ZNF587: variants seen among roughly 807,000 people sequenced by gnomAD.
ZNF587 encodes zinc finger protein 587, also known as zinc finger protein zfp6.
ZNF587 carries 8 observed loss-of-function variants against 7.5 expected under a neutral mutation model. The observed-to-expected ratio is 1.06, with a 90% CI of 0.62 to 1.92. ZNF587 has a LOEUF of 1.92. Among genes scored for constraint, ZNF587 ranks in the 40% most tolerant of loss-of-function variants. The probability of loss-of-function intolerance (pLI) is 0.00; values close to 1 mark genes in which losing one functional copy is unlikely to be tolerated. For synonymous variants in ZNF587, 145 were observed against 237.8 expected, an observed-to-expected ratio of 0.61 and a Z score of 3.59; for missense variants, 468 against 692.8, an observed-to-expected ratio of 0.68 and a Z score of 3.64.
chr19:57,854,869 C>T (rs943779944), intron 1 of ZNF587, among the ~76,000 whole-genome samples: 3 of 150,924 alleles, frequency 2.0e-5, no homozygotes, highest in African/African-American at 4.9e-5. Flanking sequence ...GGTGAAACCC[C>T]GTCTCTACTA....
rs1477577067 is a variant in ZNF587, at chr19:57,856,162, T to G, written c.92T>G (p.Leu31Arg). The G allele has an allele frequency of 3.1e-6, 5 of 1,612,990 alleles. No individual in the cohort carries two copies. Among genetic ancestry groups the G allele is most frequent in the African/African-American group, 2.7e-5 (2 of 74,852 alleles). ...AVNFSQEEWC[L>R]LSEAQRCLYR... ...AACTTTTCCCAGGAGGAGTGGTGTCTTCTTAGTGAGGCTCAGAGGTGCTTG... is the reference window on the plus strand; with the variant it reads ...AACTTTTCCCAGGAGGAGTGGTGTCGTCTTAGTGAGGCTCAGAGGTGCTTG... Residue 31 changes from leucine to arginine, a missense_variant, in exon 2 of 3, where the codon CTT becomes CGT. Physicochemically the swap from Leu to Arg is moderately radical, Grantham distance 102. Coordinates refer to ENST00000339656, the MANE Select transcript of ZNF587 (RefSeq NM_032828.4).
chr19:57,850,837 G>T (rs749311743), intron 1 of ZNF587: 8 of 335,188 alleles, frequency 2.4e-5, no homozygotes, highest in East Asian at 4.5e-5. Context: ...AGGAGAACTC[G>T]TGAGTCATTC....
intron 2 of ZNF587, 24 bp from the exon 3 acceptor site, chr19:57,858,552 T>C (rs764336307): frequency 6.2e-7 from 1 of 1,601,618 alleles, no homozygotes; most frequent in Admixed American, 1.7e-5. Context: ...ACTTTGCACT[T>C]GACCAGCATT....
chr19:57,856,422 TTC>T (rs2071357103), intron 2 of ZNF587, among the ~76,000 whole-genome samples, 189 bp downstream of exon 2: 1 of 151,646 alleles, frequency 6.6e-6, no homozygotes, highest in African/African-American at 2.4e-5. Context: ...TTTTTTTTTT[TTC>T]TGAGACAGTG....
rs776633407 is a variant in ZNF587 at position 57,859,717 on chromosome 19, T to C, written c.1305T>C (p.Pro435=). The change falls in exon 3 of 3, where the codon CCT becomes CCC. Residue 435 remains proline (P), a synonymous_variant. Coordinates refer to ENST00000339656, the MANE Select transcript of ZNF587 (RefSeq NM_032828.4). Reference sequence around the variant, plus strand: ...AGAGACTTCACACTGGGGAAAGACCTTACAATTGTAGGGAATGTGGGAAAT... The same window carrying C: ...AGAGACTTCACACTGGGGAAAGACCCTACAATTGTAGGGAATGTGGGAAAT... The part of the protein sequence containing the change: ...EHQRLHTGER[P]YNCRECGKLF... 4 of 1,613,738 alleles carry C rather than the reference T, an allele frequency of 2.5e-6. No homozygotes were observed. Among genetic ancestry groups the C allele is most frequent in the Non-Finnish European group, 3.4e-6 (4 of 1,179,946 alleles).
intron 1 of ZNF587, 101 bp downstream of exon 1, chr19:57,850,172 C>A: frequency 6.2e-7 from 1 of 1,608,232 alleles, no homozygotes; most frequent in Non-Finnish European, 8.5e-7. Flanking sequence ...AGCCGGTACC[C>A]GGCGTAGGAA....
intron 1 of ZNF587, among the ~76,000 whole-genome samples, chr19:57,855,130 G>A (rs1010497759): frequency 6.6e-6 from 1 of 151,958 alleles, no homozygotes; most frequent in Admixed American, 6.6e-5. Flanking sequence ...CTTGCACTGA[G>A]CTGAGATCAT....
intron 1 of ZNF587, chr19:57,850,705 A>AT (rs2071270797): frequency 2.5e-6 from 1 of 396,818 alleles, no homozygotes; most frequent in African/African-American, 2.1e-5. Flanking sequence ...TGGCCAGAGC[A>AT]TTGGAGGCTT....
At position 57,859,824 on chromosome 19, in the gene ZNF587, A is replaced by G. The variant is rs780410659; in HGVS notation, c.1412A>G (p.Lys471Arg). Residue 471 changes from lysine to arginine, a missense_variant, in exon 3 of 3, where the codon AAA becomes AGA. Coordinates refer to ENST00000339656, the MANE Select transcript of ZNF587 (RefSeq NM_032828.4). ...ERPYACEVCG[K>R]LFGNKHSVTI... is the part of the protein sequence containing the mutation. The stretch of plus-strand genomic sequence containing the variant: ...CCATATGCGTGTGAGGTATGTGGGA[A>G]ATTATTTGGCAATAAGCACAGCGTG... The G allele has an allele frequency of 6.2e-7, 1 of 1,614,170 alleles. No individual in the cohort carries two copies. The highest frequency in any genetic ancestry group is 1.1e-5 in the South Asian group (1 of 91,082).
At chr19:57,856,011 G>T (rs1306516073) in intron 1 of ZNF587, 93 bp from the exon 2 acceptor site, 5 of 1,565,086 alleles carry the variant, frequency 3.2e-6, no homozygotes, top group Non-Finnish European at 3.5e-6. Flanking sequence ...GGGGACCTTG[G>T]GAGGAGGATG....
At chr19:57,855,338 A>G (rs1243425935) in intron 1 of ZNF587, among the ~76,000 whole-genome samples, 1 of 152,010 alleles carries the variant, frequency 6.6e-6, no homozygotes. Context: ...GAGCTAGACT[A>G]TGTCTCAAAA....
At chr19:57,852,824 A>T (rs2071297884) in intron 1 of ZNF587, among the ~76,000 whole-genome samples, 1 of 118,906 alleles carries the variant, frequency 8.4e-6, no homozygotes, top group African/African-American at 3.3e-5. Flanking sequence ...CAATGCGCCC[A>T]GCCGAGACAG....
chr19:57,853,895 A>T (rs1377944138), intron 1 of ZNF587: 7 of 152,026 alleles, frequency 4.6e-5, no homozygotes, highest in Non-Finnish European at 7.3e-5. Context: ...AGCTAGTATT[A>T]CAGGCACCTG....
chr19:57,858,535 C>A, intron 2 of ZNF587, 41 bp from the exon 3 acceptor site: 1 of 1,587,066 alleles, frequency 6.3e-7, no homozygotes, highest in Non-Finnish European at 8.6e-7. Flanking sequence ...GCCTTCCCGC[C>A]GGAGGTACTT....
In ZNF587 at chr19:57,860,420, C is replaced by A; in HGVS notation, c.*280C>A. On this transcript the variant is annotated 3_prime_UTR_variant, in exon 3 of 3. Coordinates refer to ENST00000339656, the MANE Select transcript of ZNF587 (RefSeq NM_032828.4). ...AGTAGCTGGGATTATGAGTACACAC[C>A]ACCACGCCCAGCTAATTTTTGTGTT... The A allele has an allele frequency of 2.0e-6, 1 of 496,708 alleles. No homozygotes were observed. The highest frequency in any genetic ancestry group is 3.6e-6 in the Non-Finnish European group (1 of 280,412). 30.8% of individuals were successfully genotyped at this position (496,708 alleles called of 1,614,324 possible).
chr19:57,854,214 A>G (rs1311868718), intron 1 of ZNF587: 1 of 152,080 alleles, frequency 6.6e-6, no homozygotes, highest in Non-Finnish European at 1.5e-5. Context: ...TGGGCTTTAA[A>G]CGGCATTAGG....
At chr19:57,853,287 C>G (rs1406572814) in intron 1 of ZNF587, among the ~76,000 whole-genome samples, 1 of 152,216 alleles carries the variant, frequency 6.6e-6, no homozygotes, top group Non-Finnish European at 1.5e-5. Flanking sequence ...ACATAATATT[C>G]ACTGTGGATA....
chr19:57,864,443 A>G lies in ZNF587; in HGVS notation c.*4303A>G, dbSNP rs2071479969. 1 of 151,976 alleles carries G rather than the reference A, an allele frequency of 6.6e-6. No individual in the cohort carries two copies. Among genetic ancestry groups the G allele is most frequent in the Admixed American group, 6.6e-5 (1 of 15,226 alleles). 9.4% of individuals were successfully genotyped at this position (151,976 alleles called of 1,614,324 possible). ...CACCGCACTCGGCTTATCCCTAGAA[A>G]TCCTATGATAGCATGATGTATAGGC... On this transcript the variant is annotated 3_prime_UTR_variant, in exon 3 of 3. Transcript: ENST00000339656.
rs2071411376 is a variant in ZNF587, at chr19:57,859,763, C to T, written c.1351C>T (p.Leu451Phe). The stretch of plus-strand genomic sequence containing the variant: ...GAAATTATTTAACAGGAAGTATCAT[C>T]TTCTGGTTCATGAGAGAGTTCACAC... ...CGKLFNRKYH[L>F]LVHERVHTGE... Residue 451 changes from leucine (L) to phenylalanine (F), a missense_variant, in exon 3 of 3, where the codon CTT becomes TTT. Around this residue, in one of 5 missense-constraint regions of ZNF587, gnomAD observed 310 missense variants for 325.6 expected, o/e 0.95. Transcript: ENST00000339656. The T allele has an allele frequency of 1.2e-6, 2 of 1,613,078 alleles. No individual in the cohort carries two copies. The highest frequency in any genetic ancestry group is 1.3e-5 in the African/African-American group (1 of 74,460).
Sources: gnomAD v4.1 joint callset for allele counts (sites outside exome capture counted in the v4.1 genomes callset) on GRCh38, gnomAD v4.1.1 for gene constraint, gnomAD v4.1.1 regional missense constraint, MANE v1.5 for transcripts, NCBI Gene and HGNC (gene_info 2026-07-23, HGNC 2026-07-21) for gene names.